SHLD2: variants seen among roughly 807,000 people sequenced by gnomAD.
SHLD2 encodes the protein shieldin complex subunit 2.
Under a neutral mutation model 73.2 loss-of-function variants are expected in SHLD2, and 30 were observed. The observed-to-expected ratio is 0.41, with a 90% confidence interval of 0.31 to 0.56. SHLD2 has a LOEUF of 0.56. Ranked by LOEUF, SHLD2 falls within the 20% of genes least tolerant of loss-of-function variation. The pLI is 0.28. For synonymous variants in SHLD2, 285 were observed against 370.1 expected, an observed-to-expected ratio of 0.77 and a Z score of 2.64; for missense variants, 745 against 1,055.9, an observed-to-expected ratio of 0.71 and a Z score of 4.08.
At chr10:87,171,706 T>A (rs1847603603) in intron 6 of SHLD2, among the ~76,000 whole-genome samples, 1 of 152,254 alleles carries the variant, frequency 6.6e-6, no homozygotes, top group South Asian at 2.1e-4. Context: ...AGTTAATGTC[T>A]CTCCAAACTT....
chr10:87,183,088 G>A (rs1283563671), intron 8 of SHLD2, among the ~76,000 whole-genome samples: 2 of 152,204 alleles, frequency 1.3e-5, no homozygotes, highest in Non-Finnish European at 2.9e-5. Flanking sequence ...ATTTTGGAGG[G>A]GAGATGATGG....
At chr10:87,100,541 G>A (rs1208456402) in intron 2 of SHLD2, among the ~76,000 whole-genome samples, 5 of 151,006 alleles carry the variant, frequency 3.3e-5, no homozygotes, top group Admixed American at 6.6e-5. Context: ...GCAATAGCGC[G>A]ATCTTGGCTC....
rs1364207724 is a variant in SHLD2 at position 87,191,312 on chromosome 10, A to G, written c.*629A>G. The G allele has an allele frequency of 6.4e-6, 1 of 156,368 alleles. No homozygotes were observed. 9.7% of individuals were successfully genotyped at this position (156,368 alleles called of 1,614,324 possible). On this transcript the variant is annotated 3_prime_UTR_variant, in exon 10 of 10. Transcript: ENST00000298786. The stretch of plus-strand genomic sequence containing the variant: ...ATGCATTTACCAGCAAACATGTAGC[A>G]ATCTGTTCTCTCATTGTGATTGTGG...
At chr10:87,128,955 T>G (rs1844234210) in intron 2 of SHLD2, among the ~76,000 whole-genome samples, 1 of 152,188 alleles carries the variant, frequency 6.6e-6, no homozygotes, top group Non-Finnish European at 1.5e-5. Context: ...CAGGCTGGAG[T>G]GCAGTGGCAT....
chr10:87,114,689 C>A (rs1420771509), intron 2 of SHLD2, among the ~76,000 whole-genome samples: 1 of 152,078 alleles, frequency 6.6e-6, no homozygotes, highest in Non-Finnish European at 1.5e-5. Context: ...TGCGCCACTG[C>A]ACTCCAGCCT....
intron 2 of SHLD2, among the ~76,000 whole-genome samples, chr10:87,133,434 A>G (rs1479947997): frequency 6.6e-6 from 1 of 152,170 alleles, no homozygotes; most frequent in African/African-American, 2.4e-5. Context: ...TTAATCATCA[A>G]AACATTGTTC....
rs757771886 is a variant in SHLD2 at position 87,180,158 on chromosome 10, T to C, written c.2254T>C (p.Ser752Pro). Residue 752 changes from serine (S) to proline (P), a missense_variant, in exon 8 of 10, where the codon TCT (serine) becomes CCT (proline). Ser to Pro is a moderately conservative substitution (Grantham distance 74). Around this residue, in one of 5 missense-constraint regions of SHLD2, gnomAD observed 418 missense variants for 567.8 expected, o/e 0.74. Coordinates refer to ENST00000298786, the MANE Select transcript of SHLD2 (RefSeq NM_001330112.2). ...SQKIALNAHS[S>P]LKSIFSSLPN... ...GAAGATAGCGCTAAATGCTCACAGTTCTCTGAAGAGTATTTTTTCTTCTCT... is the reference window on the plus strand; with the variant it reads ...GAAGATAGCGCTAAATGCTCACAGTCCTCTGAAGAGTATTTTTTCTTCTCT... 1.2e-6 allele frequency: 2 copies of C among 1,613,888 alleles called. No homozygotes were observed. The highest frequency in any genetic ancestry group is 3.3e-5 in the Admixed American group (2 of 60,014).
intron 2 of SHLD2, chr10:87,113,983 T>A (rs1843091156): frequency 6.6e-6 from 1 of 151,028 alleles, no homozygotes; most frequent in Non-Finnish European, 1.5e-5. Flanking sequence ...TCCAGCATGG[T>A]CAACAGAACG....
intron 2 of SHLD2, among the ~76,000 whole-genome samples, chr10:87,119,165 A>G (rs1843433350): frequency 6.7e-6 from 1 of 149,958 alleles, no homozygotes; most frequent in Admixed American, 6.7e-5. Context: ...TTTCTGGTAA[A>G]GTGATGGTGT....
chr10:87,128,340 T>G (rs1027833222), intron 2 of SHLD2, among the ~76,000 whole-genome samples: 4 of 152,252 alleles, frequency 2.6e-5, no homozygotes, highest in African/African-American at 7.2e-5. Context: ...GTTGTCCAAA[T>G]TTCCCATTTT....
Position 87,114,704 on chromosome 10 carries a change from G to A in SHLD2, c.-6+17715G>A, listed in dbSNP as rs564150322. The stretch of plus-strand genomic sequence containing the variant: ...TGCGCCACTGCACTCCAGCCTGGGC[G>A]ACAGAGCAAGACTCAGTCTCAAAAA... On this transcript the variant is annotated intron_variant, in intron 2 of 9. Transcript: ENST00000298786. Among the ~76,000 whole-genome samples the A allele has an allele frequency of 9.2e-5, 14 of 152,094 alleles. No individual in the cohort carries two copies. The East Asian group carries it at 1.7e-3, about 19-fold the overall frequency.
rs376873169 is a variant in SHLD2 at position 87,190,723 on chromosome 10, A to T, written c.*40A>T. ...ATTGCAGGCATTTCAAGGAAGAAGT[A>T]CTGAAATGATTTGTCTTTTGAAATA... On this transcript the variant is annotated 3_prime_UTR_variant, in exon 10 of 10. Transcript: ENST00000298786. 4.8e-5 allele frequency: 72 copies of T among 1,491,144 alleles called. 1 individual carries two copies. In the East Asian group the frequency reaches 1.3e-3, roughly 27 times the overall value. 92.4% of individuals were successfully genotyped at this position (1,491,144 alleles called of 1,614,324 possible). A position where few individuals can be genotyped will look rare whatever the true frequency, so the allele number is the denominator to read the frequency against.
In SHLD2 at chr10:87,114,743, A is replaced by T. The variant is rs926337746; in HGVS notation, c.-6+17754A>T. 3.9e-5 allele frequency among the ~76,000 whole-genome samples: 6 copies of T among 152,156 alleles called. No individual in the cohort carries two copies. In the East Asian group the frequency reaches 1.2e-3, roughly 29 times the overall value. ...CAGTCTCAAAAAAACAAAAACAAACAAACAAAAAACCAGTCAGTACTCTAG... is the reference window on the plus strand; with the variant it reads ...CAGTCTCAAAAAAACAAAAACAAACTAACAAAAAACCAGTCAGTACTCTAG... On this transcript the variant is annotated intron_variant, in intron 2 of 9. Transcript: ENST00000298786.
intron 6 of SHLD2, among the ~76,000 whole-genome samples, chr10:87,173,321 C>G (rs1365820153): frequency 6.6e-6 from 1 of 152,092 alleles, no homozygotes; most frequent in Non-Finnish European, 1.5e-5. Flanking sequence ...AGCCAGCCAC[C>G]GCACCCGGCC....
chr10:87,176,038 G>T lies in SHLD2; in HGVS notation c.2113G>T (p.Ala705Ser). ...ITFKAKFQKSAPSFVKISDLA... is the reference protein window; with the variant it reads ...ITFKAKFQKSSPSFVKISDLA... ...ATTTAAAGCAAAATTTCAAAAAAGT[G>T]CACCCTCCTTTGTGAAGATATCAGA... Residue 705 changes from alanine (A) to serine (S), a missense_variant, in exon 7 of 10, where the codon GCA becomes TCA. This residue lies in a region of SHLD2 where 418 missense variants were observed against 567.8 expected (regional missense o/e 0.74). Coordinates refer to ENST00000298786, the MANE Select transcript of SHLD2 (RefSeq NM_001330112.2). 2 of 1,548,406 alleles carry T rather than the reference G, an allele frequency of 1.3e-6. No homozygotes were observed. The highest frequency in any genetic ancestry group is 1.7e-6 in the Non-Finnish European group (2 of 1,146,800).
chr10:87,148,021 C>G (rs1323806705), intron 2 of SHLD2, among the ~76,000 whole-genome samples: 1 of 152,030 alleles, frequency 6.6e-6, no homozygotes, highest in African/African-American at 2.4e-5. Flanking sequence ...CCACACCTGG[C>G]TAATTTTCGT....
chr10:87,189,125 G>A (rs377638322), intron 9 of SHLD2, among the ~76,000 whole-genome samples: 7 of 150,922 alleles, frequency 4.6e-5, no homozygotes, highest in East Asian at 3.9e-4. Flanking sequence ...CCTCAGTTTC[G>A]CAAGTAGCTG....
intron 2 of SHLD2, among the ~76,000 whole-genome samples, chr10:87,105,217 A>C (rs1400880582): frequency 6.6e-6 from 1 of 152,174 alleles, no homozygotes; most frequent in African/African-American, 2.4e-5. Context: ...GTGTTAGAGG[A>C]TAATAAGAAG....
chr10:87,143,041 C>T (rs1213826862), intron 2 of SHLD2, among the ~76,000 whole-genome samples: 5 of 147,764 alleles, frequency 3.4e-5, no homozygotes, highest in Admixed American at 6.9e-5. Context: ...GTGATCCTTT[C>T]ACTTCAGCCT....
Sources: gnomAD v4.1 joint callset for allele counts (sites outside exome capture counted in the v4.1 genomes callset) on GRCh38, gnomAD v4.1.1 for gene constraint, gnomAD v4.1.1 regional missense constraint, MANE v1.5 for transcripts, NCBI Gene and HGNC (gene_info 2026-07-23, HGNC 2026-07-21) for gene names.